The following MAPK9 variants were observed in gnomAD, a reference collection of about 807,000 sequenced individuals.
The protein encoded by MAPK9 is mitogen-activated protein kinase 9, also known as Jun kinase.
In MAPK9, 30 loss-of-function variants were observed where a neutral mutation model predicts 57.1. That is an observed-to-expected ratio of 0.53 (90% CI 0.39 to 0.71). The LOEUF is 0.71. Among genes scored for constraint, MAPK9 ranks in the 30% least tolerant of loss-of-function variants. The pLI is 0.00. For missense variants in MAPK9, 362 were observed against 521.0 expected, an observed-to-expected ratio of 0.69 and a Z score of 2.97; for synonymous variants, 155 against 177.0, an observed-to-expected ratio of 0.88 and a Z score of 0.99.
chr5:180,251,335 A>G (rs1758670121), intron 5 of MAPK9, among the ~76,000 whole-genome samples: 1 of 152,184 alleles, frequency 6.6e-6, no homozygotes, highest in Non-Finnish European at 1.5e-5. Context: ...TCTACCAAGG[A>G]CAGACGCAGC....
intron 3 of MAPK9, among the ~76,000 whole-genome samples, chr5:180,265,881 A>C (rs1348945871): frequency 1.6e-4 from 25 of 152,238 alleles, no homozygotes; most frequent in Admixed American, 1.6e-3. Flanking sequence ...AAATGGAACA[A>C]AGACTTAAAT....
At chr5:180,264,675 AAATGTATTG>A in intron 4 of MAPK9, 97 bp downstream of exon 4, 1 of 1,092,462 alleles carries the variant, frequency 9.2e-7, no homozygotes, top group African/African-American at 1.7e-5. Flanking sequence ...TGATGTCACA[AAATGTATTG>A]CCACCTACAT....
rs576758069 is a variant in MAPK9 at position 180,277,824 on chromosome 5, A to G, written c.122+2616T>C. Among the ~76,000 whole-genome samples, 9 of 152,356 alleles carry G rather than the reference A, an allele frequency of 5.9e-5. 1 individual carries two copies. The South Asian group carries it at 1.9e-3, about 32-fold the overall frequency. ...TTTTTTGAAACGGGAATGTGCCGTA[A>G]CTAGATTATTTCCCAATTCTACTTG... On this transcript the variant is annotated intron_variant, in intron 2 of 11. Transcript: ENST00000452135.
Position 180,261,707 on chromosome 5 carries a change from G to A in MAPK9, c.427C>T (p.His143Tyr), listed in dbSNP as rs778557326. Residue 143 changes from histidine (H) to tyrosine (Y), a missense_variant, in exon 5 of 12, where the codon CAT becomes TAT. Physicochemically the swap from His to Tyr is moderately conservative, Grantham distance 83. Coordinates refer to ENST00000452135, the MANE Select transcript of MAPK9 (RefSeq NM_002752.5). The stretch of plus-strand genomic sequence containing the variant: ...ACTCTATGAATTATACCAGCTGAAT[G>A]CAGATGTTTAATACCACAAAGCATC... The part of the protein sequence containing the change: ...YQMLCGIKHL[H>Y]SAGIIHRDLK... 2.1e-5 allele frequency: 34 copies of A among 1,611,208 alleles called. No homozygotes were observed. The South Asian group carries it at 3.8e-4, about 18-fold the overall frequency.
chr5:180,266,573 C>T (rs1760578800), intron 3 of MAPK9, among the ~76,000 whole-genome samples: 1 of 152,024 alleles, frequency 6.6e-6, no homozygotes. Context: ...CTGCCTTGGC[C>T]TCCCAAAGTG....
intron 1 of MAPK9, 29 bp from the exon 2 acceptor site, chr5:180,280,637 T>G: frequency 1.3e-6 from 2 of 1,558,996 alleles, no homozygotes; most frequent in Non-Finnish European, 1.7e-6. Context: ...TGAACGTGCA[T>G]TCTTACCGGA....
intron 2 of MAPK9, 64 bp downstream of exon 2, chr5:180,280,376 C>A: frequency 6.4e-7 from 1 of 1,569,046 alleles, no homozygotes; most frequent in Non-Finnish European, 8.6e-7. Flanking sequence ...AATCCTGACA[C>A]TTTAGTTTTA....
chr5:180,263,352 G>A (rs1467239579), intron 4 of MAPK9, among the ~76,000 whole-genome samples: 3 of 151,916 alleles, frequency 2.0e-5, no homozygotes, highest in South Asian at 2.1e-4. Flanking sequence ...TGGACCCTCC[G>A]TCATCCCTTA....
intron 7 of MAPK9, among the ~76,000 whole-genome samples, chr5:180,245,441 G>A (rs1758010620): frequency 6.6e-6 from 1 of 152,184 alleles, no homozygotes; most frequent in South Asian, 2.1e-4. Flanking sequence ...ACCCAGAAAT[G>A]GGCAGGTGAG....
chr5:180,260,028 A>G (rs1759757649), intron 5 of MAPK9, among the ~76,000 whole-genome samples: 1 of 152,380 alleles, frequency 6.6e-6, no homozygotes, highest in East Asian at 1.9e-4. Flanking sequence ...TGATGCCTTT[A>G]TATGTTCCAG....
chr5:180,275,749 C>T (rs73811346), intron 2 of MAPK9, among the ~76,000 whole-genome samples: 46 of 152,268 alleles, frequency 3.0e-4, no homozygotes, highest in African/African-American at 1.1e-3. Flanking sequence ...CTAGTTTTAG[C>T]CACTCATTTC....
intron 8 of MAPK9, among the ~76,000 whole-genome samples, 189 bp downstream of exon 8, chr5:180,242,384 T>C (rs779472714): frequency 4.6e-5 from 7 of 152,222 alleles, no homozygotes; most frequent in Non-Finnish European, 8.8e-5. Context: ...AGGCTTCAAT[T>C]AAGCCGTCTT....
chr5:180,279,905 G>T, intron 2 of MAPK9: 1 of 456,658 alleles, frequency 2.2e-6, no homozygotes, highest in African/African-American at 2.0e-5. Flanking sequence ...CACAGTTGAA[G>T]TGAGACACCA....
intron 1 of MAPK9, among the ~76,000 whole-genome samples, chr5:180,286,053 C>T (rs1762722293): frequency 1.4e-5 from 2 of 145,558 alleles, no homozygotes; most frequent in African/African-American, 5.1e-5. Flanking sequence ...GCACTCCAGC[C>T]TGGGCGACAG....
At chr5:180,241,211 T>C (rs1053142192) in intron 8 of MAPK9, 56 bp from the exon 9 acceptor site, 4 of 1,504,540 alleles carry the variant, frequency 2.7e-6, no homozygotes, top group Admixed American at 1.9e-5. Context: ...AACAGAATCA[T>C]ACAATAAAGA....
chr5:180,237,859 C>G (rs1757300866), intron 11 of MAPK9: 1 of 152,420 alleles, frequency 6.6e-6, no homozygotes, highest in Non-Finnish European at 1.5e-5. Context: ...GGGAAAGACG[C>G]CAGGTGCGGT....
At chr5:180,242,143 C>T (rs1757722582) in intron 8 of MAPK9, among the ~76,000 whole-genome samples, 1 of 152,250 alleles carries the variant, frequency 6.6e-6, no homozygotes, top group South Asian at 2.1e-4. Flanking sequence ...AGTTTACCTT[C>T]ATGCGGACAG....
Position 180,280,339 on chromosome 5 carries a change from T to G in MAPK9, c.122+101A>C, listed in dbSNP as rs138341304. On this transcript the variant is annotated intron_variant, in intron 2 of 11. Coordinates refer to ENST00000452135, the MANE Select transcript of MAPK9 (RefSeq NM_002752.5). ...TTTAGCTCATAAACCTATAACAGAGTTTTTTTTTTAATCATCAATGTTTCT... is the reference window on the plus strand; with the variant it reads ...TTTAGCTCATAAACCTATAACAGAGGTTTTTTTTTAATCATCAATGTTTCT... 88 of 1,280,542 alleles carry G rather than the reference T, an allele frequency of 6.9e-5. No individual in the cohort carries two copies. In the Middle Eastern group the frequency reaches 3.8e-3, roughly 55 times the overall value. 79.3% of individuals were successfully genotyped at this position (1,280,542 alleles called of 1,614,324 possible). A position where few individuals can be genotyped will look rare whatever the true frequency, so the allele number is the denominator to read the frequency against.
chr5:180,284,451 G>A (rs959995189), intron 1 of MAPK9, among the ~76,000 whole-genome samples: 2 of 152,258 alleles, frequency 1.3e-5, no homozygotes, highest in African/African-American at 4.8e-5. Context: ...AACGCTACAA[G>A]GAGGTTTCCT....
Sources: gnomAD v4.1 joint callset for allele counts (sites outside exome capture counted in the v4.1 genomes callset) on GRCh38, gnomAD v4.1.1 for gene constraint, MANE v1.5 for transcripts, NCBI Gene and HGNC (gene_info 2026-07-23, HGNC 2026-07-21) for gene names.